Variants in PRKDC observed in about 807,000 individuals in gnomAD.
The protein encoded by PRKDC is DNA-dependent protein kinase catalytic subunit.
PRKDC carries 82 observed loss-of-function variants against 486.9 expected under a neutral mutation model. The ratio of observed to expected loss-of-function variants is 0.17; its 90% CI spans 0.14 to 0.20. The LOEUF (loss-of-function observed/expected upper bound fraction) is 0.20. Ranked by LOEUF, PRKDC falls within the 10% of genes least tolerant of loss-of-function variation. The pLI, the probability that PRKDC is intolerant of heterozygous loss-of-function variation, is 1.00. For synonymous variants in PRKDC, 1,895 were observed against 1,837.0 expected (o/e 1.03, Z -0.81); for missense variants, 4,504 against 5,038.2 (o/e 0.89, Z 3.21).
intron 21 of PRKDC, among the ~76,000 whole-genome samples, chr8:47,921,948 T>C (rs1052352469): frequency 2.0e-5 from 3 of 151,896 alleles, no homozygotes; most frequent in African/African-American, 7.3e-5. Flanking sequence ...ACCCAGATAA[T>C]TTTTGTATTT....
At chr8:47,941,847 A>T (rs1048552398) in intron 10 of PRKDC, among the ~76,000 whole-genome samples, 1 of 152,260 alleles carries the variant, frequency 6.6e-6, no homozygotes, top group African/African-American at 2.4e-5. Flanking sequence ...TATTTCCTCA[A>T]TGAAACTCTA....
At chr8:47,885,536 A>C (rs1443059314) in intron 36 of PRKDC, among the ~76,000 whole-genome samples, 1 of 152,194 alleles carries the variant, frequency 6.6e-6, no homozygotes, top group Non-Finnish European at 1.5e-5. Context: ...CTTATAGGAA[A>C]AAGTCTTGTC....
chr8:47,809,428 A>C (rs562128246), intron 68 of PRKDC, among the ~76,000 whole-genome samples: 3 of 152,298 alleles, frequency 2.0e-5, no homozygotes, highest in Admixed American at 6.5e-5. Context: ...TGGATCCATA[A>C]ATGTCTCCTA....
rs1209061238 is a variant in PRKDC at position 47,774,321 on chromosome 8, A to G, written c.12239T>C (p.Val4080Ala). Residue 4080 changes from valine to alanine, a missense_variant, in exon 86 of 86, where the codon GTG (valine) becomes GCG (alanine). Transcript: ENST00000314191. ...KAPAFRDYVA[V>A]ARGSKDHNIR... The stretch of plus-strand genomic sequence containing the variant: ...GTTGTGATCTTTGCTTCCTCGTGCC[A>G]CAGCCACATAGTCTCTGAAGGCAGG... 6.2e-7 allele frequency: 1 copy of G among 1,613,482 alleles called. No homozygotes were observed. Among genetic ancestry groups the G allele is most frequent in the Non-Finnish European group, 8.5e-7 (1 of 1,179,830 alleles).
intron 31 of PRKDC, among the ~76,000 whole-genome samples, chr8:47,892,913 C>T (rs187122189): frequency 6.6e-6 from 1 of 152,264 alleles, no homozygotes; most frequent in African/African-American, 2.4e-5. Flanking sequence ...ATTTACAATA[C>T]ACCAGAAAGT....
At chr8:47,834,116 G>T in intron 59 of PRKDC, 80 bp downstream of exon 59, 1 of 1,530,550 alleles carries the variant, frequency 6.5e-7, no homozygotes, top group Non-Finnish European at 9.0e-7. Flanking sequence ...CATGGATACA[G>T]TCAGAAATGT....
At chr8:47,938,100 A>T (rs1444807792) in intron 11 of PRKDC, among the ~76,000 whole-genome samples, 1 of 151,186 alleles carries the variant, frequency 6.6e-6, no homozygotes, top group Non-Finnish European at 1.5e-5. Flanking sequence ...AGAGGCAAAA[A>T]AGAAAAAGAA....
rs2090488454 is a variant in PRKDC, at chr8:47,943,988, C to T, written c.763G>A (p.Ala255Thr). ...ATTAATCCTACCTGAGGACGAATTGCCTTTAGTACAAAATTAAAAATCTCC... is the reference window on the plus strand; with the variant it reads ...ATTAATCCTACCTGAGGACGAATTGTCTTTAGTACAAAATTAAAAATCTCC... ...SREIFNFVLKAIRPQIDLKRY... is the reference protein window; with the variant it reads ...SREIFNFVLKTIRPQIDLKRY... Residue 255 changes from alanine to threonine, a missense_variant, in exon 8 of 86, where the codon GCA becomes ACA. This residue lies in a region of PRKDC where 1,969 missense variants were observed against 2,068.9 expected (regional missense o/e 0.95). Coordinates refer to ENST00000314191, the MANE Select transcript of PRKDC (RefSeq NM_006904.7). 1 of 1,564,920 alleles carries T rather than the reference C, an allele frequency of 6.4e-7. No homozygotes were observed. Among genetic ancestry groups the T allele is most frequent in the Non-Finnish European group, 8.7e-7 (1 of 1,153,632 alleles).
intron 21 of PRKDC, among the ~76,000 whole-genome samples, chr8:47,921,067 C>T (rs372336340): frequency 2.0e-5 from 3 of 152,030 alleles, no homozygotes; most frequent in Non-Finnish European, 4.4e-5. Flanking sequence ...TCCTGGATAA[C>T]ATGGTGAAAC....
At chr8:47,896,802 C>G (rs1193939826) in intron 30 of PRKDC, among the ~76,000 whole-genome samples, 2 of 152,186 alleles carry the variant, frequency 1.3e-5, no homozygotes, top group Non-Finnish European at 2.9e-5. Context: ...TCCCCACTCC[C>G]AAGCTATCAA....
chr8:47,798,083 A>G (rs2087017812), intron 73 of PRKDC, among the ~76,000 whole-genome samples, 154 bp downstream of exon 73: 1 of 152,246 alleles, frequency 6.6e-6, no homozygotes, highest in African/African-American at 2.4e-5. Flanking sequence ...TTGCAGCTTT[A>G]AATTACCTAT....
chr8:47,890,324 C>T lies in PRKDC; in HGVS notation c.4004G>A (p.Cys1335Tyr). 1 of 1,613,412 alleles carries T rather than the reference C, an allele frequency of 6.2e-7. No homozygotes were observed. The highest frequency in any genetic ancestry group is 2.2e-5 in the East Asian group (1 of 44,880). ...QEGERYNYSK[C>Y]TVVVRIMEFT... ...CTCCATAATCCGGACCACAACGGTG[C>T]ATTTGCTGTAGTTGTACCTTTCTCC... Residue 1335 changes from cysteine (C) to tyrosine (Y), a missense_variant, in exon 32 of 86, where the codon TGC becomes TAC. By Grantham distance (194) the Cys-to-Tyr change is radical. This residue lies in a region of PRKDC where 1,969 missense variants were observed against 2,068.9 expected (regional missense o/e 0.95). Transcript: ENST00000314191.
At chr8:47,910,012 AT>A (rs2089866091) in intron 25 of PRKDC, among the ~76,000 whole-genome samples, 1 of 152,138 alleles carries the variant, frequency 6.6e-6, no homozygotes, top group Non-Finnish European at 1.5e-5. Flanking sequence ...CTCCCAGTTC[AT>A]ATACCCGCTC....
Position 47,817,604 on chromosome 8 carries a change from A to T in PRKDC, c.9446-43T>A, listed in dbSNP as rs377153382. ...GGGTGACTATACACACAGCTCAATT[A>T]TAAGATCAAATGACAAAGGTCATTA... On this transcript the variant is annotated intron_variant, in intron 67 of 85. Transcript: ENST00000314191. The T allele has an allele frequency of 8.2e-6, 10 of 1,217,086 alleles. No homozygotes were observed. The African/African-American group carries it at 1.3e-4, about 16-fold the overall frequency. 75.4% of individuals were successfully genotyped at this position (1,217,086 alleles called of 1,614,324 possible). A position where few individuals can be genotyped will look rare whatever the true frequency, so the allele number is the denominator to read the frequency against.
chr8:47,926,951 G>T, intron 21 of PRKDC: 1 of 422,446 alleles, frequency 2.4e-6, no homozygotes, highest in Non-Finnish European at 4.2e-6. Context: ...ACTTGTCTTT[G>T]AAGATTTTAT....
At chr8:47,822,680 C>G (rs1202828559) in intron 64 of PRKDC, among the ~76,000 whole-genome samples, 1 of 152,104 alleles carries the variant, frequency 6.6e-6, no homozygotes, top group Non-Finnish European at 1.5e-5. Context: ...GTCCCAGCTA[C>G]TCGGGAGGCT....
rs752776132 is a variant in PRKDC at position 47,912,373 on chromosome 8, A to T, written c.2934+37T>A. On this transcript the variant is annotated intron_variant, in intron 25 of 85. Coordinates refer to ENST00000314191, the MANE Select transcript of PRKDC (RefSeq NM_006904.7). ...ACTGAATTAGACAAACCAAACTTTT[A>T]GAAATTTTACAACTATTTCAGATTC... The T allele has an allele frequency of 2.7e-6, 4 of 1,474,204 alleles. No individual in the cohort carries two copies. The African/African-American group carries it at 5.7e-5, about 21-fold the overall frequency. 91.3% of individuals were successfully genotyped at this position (1,474,204 alleles called of 1,614,324 possible). A position where few individuals can be genotyped will look rare whatever the true frequency, so the allele number is the denominator to read the frequency against.
intron 25 of PRKDC, among the ~76,000 whole-genome samples, chr8:47,906,173 T>C (rs893381198): frequency 1.3e-5 from 2 of 152,098 alleles, no homozygotes; most frequent in Non-Finnish European, 2.9e-5. Context: ...AGGAAGACCT[T>C]GTCTCTCAAA....
chr8:47,779,552 A>C (rs1208461504), intron 80 of PRKDC, among the ~76,000 whole-genome samples: 7 of 152,184 alleles, frequency 4.6e-5, no homozygotes, highest in Non-Finnish European at 1.0e-4. Flanking sequence ...AAGATGGATT[A>C]TGTCTGTTTT....
Sources: gnomAD v4.1 joint callset for allele counts (sites outside exome capture counted in the v4.1 genomes callset) on GRCh38, gnomAD v4.1.1 for gene constraint, gnomAD v4.1.1 regional missense constraint, MANE v1.5 for transcripts, NCBI Gene and HGNC (gene_info 2026-07-23, HGNC 2026-07-21) for gene names.